Variants in SLC8A1 observed in about 807,000 individuals in gnomAD.
The protein encoded by SLC8A1 is sodium/calcium exchanger 1.
Under a neutral mutation model 68.3 loss-of-function variants are expected in SLC8A1, and 18 were observed. The observed-to-expected ratio is 0.26, with a 90% CI of 0.18 to 0.39. SLC8A1 has a LOEUF of 0.39. Ranked by LOEUF, SLC8A1 falls within the 10% of genes least tolerant of loss-of-function variation. The pLI, the probability that SLC8A1 is intolerant of heterozygous loss-of-function variation, is 1.00. For missense variants in SLC8A1, 985 were observed against 1,156.7 expected, an observed-to-expected ratio of 0.85 and a Z score of 2.15; for synonymous variants, 475 against 415.5, an observed-to-expected ratio of 1.14 and a Z score of -1.74.
At chr2:40,213,105 G>A (rs758106592) in intron 2 of SLC8A1, 5 of 152,184 alleles carry the variant, frequency 3.3e-5, no homozygotes, top group Admixed American at 6.5e-5. Context: ...TCTCTTCTCT[G>A]TAGGTCTCTA....
chr2:40,147,658 T>C (rs919001598), intron 6 of SLC8A1, among the ~76,000 whole-genome samples: 1 of 152,186 alleles, frequency 6.6e-6, no homozygotes, highest in Non-Finnish European at 1.5e-5. Context: ...GAAGCAACTG[T>C]TTGGGCAGTG....
At chr2:40,178,267 C>T in intron 2 of SLC8A1, 120 bp downstream of exon 3, 2 of 781,028 alleles carry the variant, frequency 2.6e-6, no homozygotes, top group Non-Finnish European at 4.4e-6. Context: ...GAGATCTGTG[C>T]CCTGTTACAT....
chr2:40,328,911 A>C (rs1464790137), intron 2 of SLC8A1, among the ~76,000 whole-genome samples: 1 of 152,108 alleles, frequency 6.6e-6, no homozygotes, highest in Non-Finnish European at 1.5e-5. Flanking sequence ...AAGAGCACAG[A>C]GTAGATTATG....
At chr2:40,494,504 T>G (rs1224495914) in intron 1 of SLC8A1, among the ~76,000 whole-genome samples, 1 of 151,704 alleles carries the variant, frequency 6.6e-6, no homozygotes, top group African/African-American at 2.4e-5. Flanking sequence ...TTTATATTCC[T>G]TTGGGTATAT....
At chr2:40,237,425 G>A (rs536264154) in intron 2 of SLC8A1, among the ~76,000 whole-genome samples, 113 of 151,986 alleles carry the variant, frequency 7.4e-4, no homozygotes, top group African/African-American at 2.5e-3. Flanking sequence ...CATTCTTCAC[G>A]TAGTTCTTGA....
Position 40,335,578 on chromosome 2 carries a change from G to A in SLC8A1, c.1808+92895C>T, listed in dbSNP as rs555497325. Among the ~76,000 whole-genome samples the A allele has an allele frequency of 2.6e-5, 4 of 152,302 alleles. No individual in the cohort carries two copies. The South Asian group carries it at 8.3e-4, about 32-fold the overall frequency. ...GAACATAGCTTCCTTTCCCTTAATT[G>A]TATTTTTAAAAATCATGTGAATAAT... is the stretch of plus-strand genomic sequence containing the variant. On this transcript the variant is annotated intron_variant, in intron 2 of 7. Coordinates refer to ENST00000406785, the Ensembl canonical transcript of SLC8A1.
At chr2:40,267,547 G>A (rs565250939) in intron 2 of SLC8A1, among the ~76,000 whole-genome samples, 1 of 152,290 alleles carries the variant, frequency 6.6e-6, no homozygotes, top group Admixed American at 6.5e-5. Flanking sequence ...TGTAAGCTTT[G>A]TGAAAGCAGG....
At chr2:40,239,049 C>G (rs1348628784) in intron 2 of SLC8A1, among the ~76,000 whole-genome samples, 1 of 88,960 alleles carries the variant, frequency 1.1e-5, no homozygotes, top group Non-Finnish European at 2.9e-5. Context: ...GAAATTGCAG[C>G]AGAAAAAAAA....
rs1027853715 is a variant in SLC8A1 at position 40,323,688 on chromosome 2, A to AG, written c.1808+104784dup. On this transcript the variant is annotated intron_variant, in intron 2 of 7. Transcript: ENST00000406785. ...TATCTGTCCCAATGCCCAGTTCCTA[A>AG]GGGGGGAAATACAACAAAAACAAAC... Among the ~76,000 whole-genome samples, 3 of 152,228 alleles carry AG rather than the reference A, an allele frequency of 2.0e-5. No homozygotes were observed. In the South Asian group the frequency reaches 6.2e-4, roughly 32 times the overall value.
chr2:40,479,979 A>C (rs1051402225), intron 1 of SLC8A1, among the ~76,000 whole-genome samples: 6 of 152,136 alleles, frequency 3.9e-5, no homozygotes, highest in African/African-American at 1.4e-4. Flanking sequence ...CTAACTGAGG[A>C]CCTATGATAA....
chr2:40,234,101 T>C (rs1380620600), intron 2 of SLC8A1, among the ~76,000 whole-genome samples: 2 of 152,242 alleles, frequency 1.3e-5, no homozygotes, highest in African/African-American at 4.8e-5. Context: ...TGGTTCCATA[T>C]GAACTTTAAA....
intron 1 of SLC8A1, among the ~76,000 whole-genome samples, chr2:40,433,890 G>A (rs1174669271): frequency 6.6e-6 from 1 of 152,174 alleles, no homozygotes; most frequent in Non-Finnish European, 1.5e-5. Context: ...AAGTCTTGTG[G>A]AAGGTTTCCA....
chr2:40,459,470 C>A (rs1703216915), intron 1 of SLC8A1, among the ~76,000 whole-genome samples: 1 of 152,078 alleles, frequency 6.6e-6, no homozygotes, highest in Non-Finnish European at 1.5e-5. Flanking sequence ...GGGTCAGCAG[C>A]AGAGGCATGG....
intron 2 of SLC8A1, among the ~76,000 whole-genome samples, chr2:40,256,497 G>A (rs2149073745): frequency 6.6e-6 from 1 of 152,304 alleles, no homozygotes; most frequent in East Asian, 1.9e-4. Flanking sequence ...GTGCATAATG[G>A]GAGTGATTCT....
rs76461275 is a variant in SLC8A1, at chr2:40,487,994, G to A, written c.-25+24355C>T. Among the ~76,000 whole-genome samples the A allele has an allele frequency of 7.4e-3, 1,119 of 152,082 alleles. 4 individuals carry two copies. The highest frequency in any genetic ancestry group is 0.014 in the Middle Eastern group (4 of 292). The stretch of plus-strand genomic sequence containing the variant: ...GAATTTTAAAAATAATCATAAGTGG[G>A]GTTAAAAAGTTTAAAGCCAGCTGAC... On this transcript the variant is annotated intron_variant, in intron 1 of 7. Transcript: ENST00000402441.
exon 2 of SLC8A1, chr2:40,429,897 C>A: frequency 6.2e-7 from 1 of 1,613,518 alleles, no homozygotes; most frequent in Non-Finnish European, 8.5e-7. Flanking sequence ...CATTCCAGAT[C>A]CTCACAGTTG....
chr2:40,098,430 C>A (rs976138428), exon 8 of SLC8A1: 3 of 151,934 alleles, frequency 2.0e-5, no homozygotes, highest in African/African-American at 7.3e-5. Context: ...GTCTGTCAAC[C>A]TTCTGTACAA....
chr2:40,386,318 TAA>T lies in SLC8A1; in HGVS notation c.1808+42153_1808+42154del, dbSNP rs199551757. Among the ~76,000 whole-genome samples the T allele has an allele frequency of 6.1e-3, 923 of 151,224 alleles. 14 individuals are homozygous for T. Among genetic ancestry groups the T allele is most frequent in the Middle Eastern group, 0.017 (5 of 294 alleles). On this transcript the variant is annotated intron_variant, in intron 2 of 7. Transcript: ENST00000406785. ...ATGAGTCTATTTTACTTTCAAATGGTAAATGTGTGTGTGTATATAACAGAGCA... is the reference window on the plus strand; with the variant it reads ...ATGAGTCTATTTTACTTTCAAATGGTATGTGTGTGTGTATATAACAGAGCA...
chr2:40,503,530 C>T (rs933011053), intron 1 of SLC8A1, among the ~76,000 whole-genome samples: 16 of 151,784 alleles, frequency 1.1e-4, no homozygotes, highest in African/African-American at 2.4e-4. Context: ...CCTTGTTTGC[C>T]GATGATACAA....
Sources: gnomAD v4.1 joint callset for allele counts (sites outside exome capture counted in the v4.1 genomes callset) on GRCh38, gnomAD v4.1.1 for gene constraint, MANE v1.5 for transcripts, NCBI Gene and HGNC (gene_info 2026-07-23, HGNC 2026-07-21) for gene names.